Variants in UNC5D observed in about 807,000 individuals in gnomAD.
The protein encoded by UNC5D is netrin receptor UNC5D.
In UNC5D, 39 loss-of-function variants were observed where a neutral mutation model predicts 105.4. That is an observed-to-expected ratio of 0.37 (90% confidence interval 0.29 to 0.48). The LOEUF (loss-of-function observed/expected upper bound fraction) is 0.48, where lower values mean the gene tolerates loss of function less well. Ranked by LOEUF, UNC5D falls within the 20% of genes least tolerant of loss-of-function variation. The pLI is 0.98. For missense variants in UNC5D, 991 were observed against 1,202.4 expected, an observed-to-expected ratio of 0.82 and a Z score of 2.60; for synonymous variants, 452 against 450.4, an observed-to-expected ratio of 1.00 and a Z score of -0.04.
intron 1 of UNC5D, among the ~76,000 whole-genome samples, chr8:35,281,760 G>A (rs1194741902): frequency 1.3e-5 from 2 of 152,172 alleles, no homozygotes; most frequent in Non-Finnish European, 2.9e-5. Context: ...TCTTCATTAC[G>A]ATGGGAAATA....
At chr8:35,370,234 T>C (rs899388017) in intron 1 of UNC5D, among the ~76,000 whole-genome samples, 2 of 151,868 alleles carry the variant, frequency 1.3e-5, no homozygotes, top group African/African-American at 4.8e-5. Context: ...TGAAGGAGGG[T>C]TTTCAAACGG....
intron 4 of UNC5D, among the ~76,000 whole-genome samples, chr8:35,617,308 A>G (rs1821088988): frequency 6.6e-6 from 1 of 152,050 alleles, no homozygotes; most frequent in African/African-American, 2.4e-5. Flanking sequence ...ACTTGCCCCC[A>G]CCCTGGAGAG....
intron 1 of UNC5D, among the ~76,000 whole-genome samples, chr8:35,481,350 G>T (rs1422437167): frequency 6.6e-6 from 1 of 152,162 alleles, no homozygotes; most frequent in Non-Finnish European, 1.5e-5. Context: ...AGTGAGCCAT[G>T]ATCATGCCAC....
intron 7 of UNC5D, among the ~76,000 whole-genome samples, chr8:35,689,441 C>A (rs1038922727): frequency 6.6e-6 from 1 of 152,040 alleles, no homozygotes; most frequent in Non-Finnish European, 1.5e-5. Context: ...GAAACAGAAC[C>A]AATAGGATAT....
At chr8:35,516,832 T>C (rs1813130664) in intron 1 of UNC5D, among the ~76,000 whole-genome samples, 1 of 152,188 alleles carries the variant, frequency 6.6e-6, no homozygotes, top group Admixed American at 6.5e-5. Context: ...AGGTTGAACA[T>C]GCCACGTCTT....
At chr8:35,440,212 G>A (rs1013800783) in intron 1 of UNC5D, among the ~76,000 whole-genome samples, 3 of 152,004 alleles carry the variant, frequency 2.0e-5, no homozygotes, top group South Asian at 2.1e-4. Flanking sequence ...AACTAAGCAT[G>A]TCCATCTGGG....
chr8:35,437,132 C>G (rs1807070478), intron 1 of UNC5D, among the ~76,000 whole-genome samples: 1 of 151,898 alleles, frequency 6.6e-6, no homozygotes, highest in South Asian at 2.1e-4. Flanking sequence ...TGCCACTGTG[C>G]CTGGCTCATA....
At chr8:35,271,203 A>T (rs1179197689) in intron 1 of UNC5D, among the ~76,000 whole-genome samples, 1 of 148,910 alleles carries the variant, frequency 6.7e-6, no homozygotes, top group African/African-American at 2.4e-5. Context: ...ATATATTTAA[A>T]TATAAATCTA....
At chr8:35,789,895 A>AACACACACACACACACACAC (rs56702865) in intron 16 of UNC5D, among the ~76,000 whole-genome samples, 1 of 142,680 alleles carries the variant, frequency 7.0e-6, no homozygotes, top group African/African-American at 2.6e-5. Context: ...TCAAGAAGAA[A>AACACACACACACACACACAC]ACACACACAC....
intron 1 of UNC5D, among the ~76,000 whole-genome samples, chr8:35,236,093 G>T (rs1022686178): frequency 3.3e-5 from 5 of 152,170 alleles, no homozygotes; most frequent in African/African-American, 9.6e-5. Context: ...AATCCTACAG[G>T]TGGCTGTGAC....
At chr8:35,336,099 T>A (rs1811016579) in intron 1 of UNC5D, among the ~76,000 whole-genome samples, 1 of 152,100 alleles carries the variant, frequency 6.6e-6, no homozygotes, top group Non-Finnish European at 1.5e-5. Flanking sequence ...ATTCACATAT[T>A]AAAATGCACA....
chr8:35,454,155 G>A (rs1808338906), intron 1 of UNC5D, among the ~76,000 whole-genome samples: 1 of 152,146 alleles, frequency 6.6e-6, no homozygotes, highest in Non-Finnish European at 1.5e-5. Flanking sequence ...ATATGGAACA[G>A]GAGTGGAATG....
At chr8:35,686,482 G>A (rs1826014255) in intron 6 of UNC5D, 63 bp from the exon 7 acceptor site, 1 of 1,482,124 alleles carries the variant, frequency 6.7e-7, no homozygotes, top group East Asian at 2.5e-5. Context: ...GCAGTCCTGG[G>A]GTGAGTCTCC....
intron 13 of UNC5D, among the ~76,000 whole-genome samples, chr8:35,752,441 G>C (rs1830329484): frequency 6.6e-6 from 1 of 152,132 alleles, no homozygotes; most frequent in Admixed American, 6.5e-5. Flanking sequence ...AGCCAGTAAA[G>C]GTGACACAGA....
At chr8:35,488,645 A>G (rs373803270) in intron 1 of UNC5D, among the ~76,000 whole-genome samples, 1 of 152,156 alleles carries the variant, frequency 6.6e-6, no homozygotes, top group African/African-American at 2.4e-5. Flanking sequence ...TTAACATTGA[A>G]TTGTGTTTTC....
chr8:35,510,995 G>C (rs1323971587), intron 1 of UNC5D, among the ~76,000 whole-genome samples: 2 of 152,148 alleles, frequency 1.3e-5, no homozygotes, highest in Non-Finnish European at 2.9e-5. Flanking sequence ...CTCCAACTAA[G>C]AGGACCTCAA....
chr8:35,572,712 T>A (rs1817820865), intron 3 of UNC5D, among the ~76,000 whole-genome samples: 1 of 152,104 alleles, frequency 6.6e-6, no homozygotes, highest in African/African-American at 2.4e-5. Context: ...AACTTTAACA[T>A]GCATGCAAAT....
intron 2 of UNC5D, among the ~76,000 whole-genome samples, chr8:35,560,494 GTGTATT>G (rs1469531247): frequency 1.3e-5 from 2 of 152,172 alleles, no homozygotes; most frequent in Non-Finnish European, 2.9e-5. Context: ...CTATGTAAAT[GTGTATT>G]TGTATGTATA....
intron 1 of UNC5D, among the ~76,000 whole-genome samples, chr8:35,408,588 A>C (rs1563388723): frequency 6.6e-6 from 1 of 151,642 alleles, no homozygotes; most frequent in African/African-American, 2.4e-5. Context: ...TGGCTGTCAG[A>C]GCGTGACTAA....
Sources: allele counts gnomAD v4.1 joint callset (sites outside exome capture counted in the v4.1 genomes callset), GRCh38; gene constraint gnomAD v4.1.1; transcripts MANE v1.5; gene names NCBI Gene and HGNC (gene_info 2026-07-23, HGNC 2026-07-21).